Variants in SEL1L observed in about 807,000 individuals in gnomAD.
SEL1L encodes protein sel-1 homolog 1.
In SEL1L, 52 loss-of-function variants were observed where a neutral mutation model predicts 109.8. That is an observed-to-expected ratio of 0.47 (90% confidence interval 0.38 to 0.60). SEL1L has a LOEUF of 0.60. SEL1L is among the 20% of genes least tolerant of loss of function. The pLI is 0.00. For missense variants in SEL1L, 749 were observed against 962.2 expected (o/e 0.78, Z 2.93); for synonymous variants, 373 against 339.6 (o/e 1.10, Z -1.08).
chr14:81,489,209 G>A (rs1038711666), intron 14 of SEL1L, 43 bp downstream of exon 14: 7 of 1,548,690 alleles, frequency 4.5e-6, no homozygotes, highest in Middle Eastern at 3.4e-4. Flanking sequence ...TACCTCTCCA[G>A]CTGACTGCTC....
At chr14:81,525,889 TA>T (rs907016114) in intron 3 of SEL1L, among the ~76,000 whole-genome samples, 1 of 152,172 alleles carries the variant, frequency 6.6e-6, no homozygotes, top group Non-Finnish European at 1.5e-5. Flanking sequence ...CTGATACACC[TA>T]AAAAAATCCT....
chr14:81,493,278 G>A (rs1290841388), intron 11 of SEL1L, among the ~76,000 whole-genome samples: 2 of 152,162 alleles, frequency 1.3e-5, no homozygotes, highest in African/African-American at 2.4e-5. Context: ...GGGAGGCCAA[G>A]ACGGGCGAAT....
At chr14:81,481,697 C>T (rs937659527) in intron 19 of SEL1L, among the ~76,000 whole-genome samples, 1 of 151,680 alleles carries the variant, frequency 6.6e-6, no homozygotes, top group African/African-American at 2.4e-5. Flanking sequence ...TTTTAAACCT[C>T]AAAAGAAAAA....
At chr14:81,507,501 C>T (rs1884286350) in intron 3 of SEL1L, among the ~76,000 whole-genome samples, 3 of 151,546 alleles carry the variant, frequency 2.0e-5, no homozygotes, top group African/African-American at 7.3e-5. Flanking sequence ...TACTAAGATA[C>T]AGAATTCTAA....
Position 81,487,553 on chromosome 14 carries a change from A to G in SEL1L, c.1484-15T>C. 3.1e-6 allele frequency: 5 copies of G among 1,593,060 alleles called. No individual in the cohort carries two copies. Among genetic ancestry groups the G allele is most frequent in the African/African-American group, 1.4e-5 (1 of 73,264 alleles). On this transcript the variant is annotated splice_polypyrimidine_tract_variant and intron_variant, in intron 15 of 20. Coordinates refer to ENST00000336735, the MANE Select transcript of SEL1L (RefSeq NM_005065.6). ...TCCAATGCCATCTGTAAGAAAAAAA[A>G]AAATCACACGAGATAATAGACTTAA... is the stretch of plus-strand genomic sequence containing the variant.
chr14:81,503,513 ATT>A, intron 5 of SEL1L, among the ~76,000 whole-genome samples: 1 of 151,828 alleles, frequency 6.6e-6, no homozygotes, highest in Non-Finnish European at 1.5e-5. Context: ...TAATTTTTAA[ATT>A]TTTTTTAGAG....
At chr14:81,490,148 G>A (rs77170979) in intron 13 of SEL1L, among the ~76,000 whole-genome samples, 4,120 of 152,198 alleles carry the variant, frequency 0.027, 86 homozygotes, top group Admixed American at 0.061. Flanking sequence ...GTATTTCCCC[G>A]ATTAGGAAAC....
chr14:81,527,973 A>C (rs1048035497), intron 1 of SEL1L, among the ~76,000 whole-genome samples: 12 of 152,184 alleles, frequency 7.9e-5, no homozygotes, highest in Admixed American at 2.6e-4. Flanking sequence ...CATTAGCTCC[A>C]TCTGTTACAA....
chr14:81,487,911 T>G lies in SEL1L; in HGVS notation c.1427A>C (p.Lys476Thr). ...ATCCACCCAGCCTTGTTCAGCAGCT[T>G]TCTGGAAATACTTAAGGGCTAGATC... ...NYDLALKYFQ[K>T]AAEQGWVDGQ... Residue 476 changes from lysine (K) to threonine (T), a missense_variant, in exon 15 of 21, where the codon AAA becomes ACA. Around this residue, in one of 2 missense-constraint regions of SEL1L, gnomAD observed 383 missense variants for 562.5 expected, o/e 0.68. Coordinates refer to ENST00000336735, the MANE Select transcript of SEL1L (RefSeq NM_005065.6). 1 of 1,613,976 alleles carries G rather than the reference T, an allele frequency of 6.2e-7. No individual in the cohort carries two copies. The highest frequency in any genetic ancestry group is 8.5e-7 in the Non-Finnish European group (1 of 1,179,952).
chr14:81,482,757 TAAAAGA>T (rs1347912355), intron 19 of SEL1L, among the ~76,000 whole-genome samples: 1 of 152,162 alleles, frequency 6.6e-6, no homozygotes, highest in African/African-American at 2.4e-5. Context: ...ATACTGAAAT[TAAAAGA>T]AAATGTCCAA....
At chr14:81,533,140 AAAAAGT>A (rs1885399405) in intron 1 of SEL1L, among the ~76,000 whole-genome samples, 1 of 152,212 alleles carries the variant, frequency 6.6e-6, no homozygotes, top group Non-Finnish European at 1.5e-5. Context: ...GAAGGTTTCA[AAAAAGT>A]AAAAAGTGGC....
At chr14:81,528,567 T>A (rs1885203313) in intron 1 of SEL1L, among the ~76,000 whole-genome samples, 2 of 152,186 alleles carry the variant, frequency 1.3e-5, no homozygotes, top group Admixed American at 1.3e-4. Context: ...AACTCAATGT[T>A]CAGATGGAAA....
intron 19 of SEL1L, among the ~76,000 whole-genome samples, chr14:81,483,820 C>A (rs1444608171): frequency 6.6e-6 from 1 of 151,978 alleles, no homozygotes; most frequent in Non-Finnish European, 1.5e-5. Flanking sequence ...GTCATGAGTC[C>A]AGAGAATGAC....
At chr14:81,506,278 A>G in intron 3 of SEL1L, 37 bp from the exon 4 acceptor site, 1 of 1,514,370 alleles carries the variant, frequency 6.6e-7, no homozygotes, top group Non-Finnish European at 8.9e-7. Context: ...AACATGAAAC[A>G]ACACCTCTGG....
At chr14:81,527,802 G>T (rs1260329979) in intron 1 of SEL1L, 64 bp from the exon 2 acceptor site, 2 of 1,054,426 alleles carry the variant, frequency 1.9e-6, no homozygotes, top group Non-Finnish European at 2.9e-6. Flanking sequence ...ATTATTAAAA[G>T]AAAACATGTG....
chr14:81,488,000 TA>T, intron 14 of SEL1L, 58 bp from the exon 15 acceptor site: 8 of 1,299,098 alleles, frequency 6.2e-6, no homozygotes, highest in Non-Finnish European at 8.8e-6. Flanking sequence ...ACTCAAAAGT[TA>T]AGAGATTTAT....
chr14:81,477,730 C>T (rs1043996660), intron 20 of SEL1L, among the ~76,000 whole-genome samples: 2 of 152,088 alleles, frequency 1.3e-5, no homozygotes, highest in African/African-American at 2.4e-5. Flanking sequence ...CAAGAATTGC[C>T]TGAACCCAGG....
In SEL1L at chr14:81,476,850, G is replaced by A. The variant is rs1384273058; in HGVS notation, c.*122C>T. 1.1e-6 allele frequency: 1 copy of A among 895,820 alleles called. No homozygotes were observed. The highest frequency in any genetic ancestry group is 1.7e-5 in the African/African-American group (1 of 59,804). 55.5% of individuals were successfully genotyped at this position (895,820 alleles called of 1,614,324 possible). A position where few individuals can be genotyped will look rare whatever the true frequency, so the allele number is the denominator to read the frequency against. ...TTCTAAGCAGCTTTAGGAATTCAAT[G>A]CTTCCTTGTGCCGTGCCTCTTCTGG... On this transcript the variant is annotated 3_prime_UTR_variant, in exon 21 of 21. Transcript: ENST00000336735.
At position 81,471,577 on chromosome 14, in the gene SEL1L, T is replaced by C. The variant is rs1903016636; in HGVS notation, c.*5395A>G. 2.0e-5 allele frequency: 3 copies of C among 152,160 alleles called. No individual in the cohort carries two copies. Among genetic ancestry groups the C allele is most frequent in the African/African-American group, 7.2e-5 (3 of 41,426 alleles). The allele number at this position is 152,160 out of a possible 1,614,324, so 9.4% of individuals were successfully genotyped here. On this transcript the variant is annotated 3_prime_UTR_variant, in exon 21 of 21. Coordinates refer to ENST00000336735, the MANE Select transcript of SEL1L (RefSeq NM_005065.6). ...CAGCAACAAATTATTTATATGAACA[T>C]TCCAAATTCAGTTAACTAACCACAT...
Sources: gnomAD v4.1 joint callset for allele counts (sites outside exome capture counted in the v4.1 genomes callset) on GRCh38, gnomAD v4.1.1 for gene constraint, gnomAD v4.1.1 regional missense constraint, MANE v1.5 for transcripts, NCBI Gene and HGNC (gene_info 2026-07-23, HGNC 2026-07-21) for gene names.